Variants in ABL1 observed in about 807,000 individuals in gnomAD.
ABL1 encodes tyrosine-protein kinase ABL1.
In ABL1, 11 loss-of-function variants were observed where a neutral mutation model predicts 94.7. That is an observed-to-expected ratio of 0.12 (90% CI 0.07 to 0.19). The LOEUF (loss-of-function observed/expected upper bound fraction) is 0.19, where lower values mean the gene tolerates loss of function less well. Ranked by LOEUF, ABL1 falls within the 10% of genes least tolerant of loss-of-function variation. The probability of loss-of-function intolerance (pLI) is 1.00; values close to 1 mark genes in which losing one functional copy is unlikely to be tolerated. For missense variants in ABL1, 1,082 were observed against 1,489.4 expected (o/e 0.73, Z 4.50); for synonymous variants, 656 against 622.4 (o/e 1.05, Z -0.80).
chr9:130,790,957 T>C (rs1248825426), intron 1 of ABL1, among the ~76,000 whole-genome samples: 1 of 152,198 alleles, frequency 6.6e-6, no homozygotes, highest in Non-Finnish European at 1.5e-5. Context: ...TGGAGTCTTT[T>C]AAATTATAGA....
intron 1 of ABL1, among the ~76,000 whole-genome samples, chr9:130,784,630 T>C (rs1378449611): frequency 6.6e-6 from 1 of 152,212 alleles, no homozygotes; most frequent in African/African-American, 2.4e-5. Context: ...TCATCTAGTC[T>C]GGTCTGGTCT....
At chr9:130,791,013 T>G (rs2132807113) in intron 1 of ABL1, among the ~76,000 whole-genome samples, 1 of 152,242 alleles carries the variant, frequency 6.6e-6, no homozygotes, top group East Asian at 1.9e-4. Context: ...AGGGTGGTAA[T>G]GAGAGACAAA....
chr9:130,806,782 T>A (rs965292281), intron 1 of ABL1, among the ~76,000 whole-genome samples: 7 of 152,254 alleles, frequency 4.6e-5, no homozygotes, highest in African/African-American at 1.4e-4. Context: ...TACACACCTT[T>A]ATTTTTTTAA....
At chr9:130,796,439 A>C (rs1453040936) in intron 1 of ABL1, among the ~76,000 whole-genome samples, 1 of 151,854 alleles carries the variant, frequency 6.6e-6, no homozygotes, top group Non-Finnish European at 1.5e-5. Context: ...TAAATCTGAG[A>C]GGTGGAGGTT....
rs895950886 is a variant in ABL1, at chr9:130,724,171, A to G, written c.136+9716A>G. Reference sequence around the variant, plus strand: ...GTCGCCCAGGCTGGAGTACAATGATATGATCACTGTTCACTGCAGCCTCGA... The same window carrying G: ...GTCGCCCAGGCTGGAGTACAATGATGTGATCACTGTTCACTGCAGCCTCGA... On this transcript the variant is annotated intron_variant, in intron 1 of 10. Transcript: ENST00000372348. 9.9e-5 allele frequency among the ~76,000 whole-genome samples: 15 copies of G among 152,194 alleles called. 1 individual carries two copies. The highest frequency in any genetic ancestry group is 3.6e-4 in the African/African-American group (15 of 41,450).
chr9:130,714,596 G>C, intron 1 of ABL1: 1 of 1,143,790 alleles, frequency 8.7e-7, no homozygotes. Context: ...TCTCTTAGTG[G>C]AACTTTCTTT....
chr9:130,791,061 G>A (rs909973420), intron 1 of ABL1, among the ~76,000 whole-genome samples: 3 of 152,126 alleles, frequency 2.0e-5, no homozygotes, highest in South Asian at 2.1e-4. Context: ...ATTCCAAAGC[G>A]GCAAAGAAGG....
At chr9:130,811,999 G>A (rs1328106008) in intron 1 of ABL1, among the ~76,000 whole-genome samples, 1 of 139,332 alleles carries the variant, frequency 7.2e-6, no homozygotes, top group Non-Finnish European at 1.6e-5. Context: ...AACAGGAAAA[G>A]CAAACAGAGC....
intron 1 of ABL1, among the ~76,000 whole-genome samples, chr9:130,748,027 G>A (rs1291488716): frequency 6.6e-6 from 1 of 152,120 alleles, no homozygotes; most frequent in East Asian, 1.9e-4. Flanking sequence ...ACCCTTGAAC[G>A]CCAGAATTCC....
chr9:130,813,819 T>C (rs913283741), intron 1 of ABL1, among the ~76,000 whole-genome samples: 3 of 152,230 alleles, frequency 2.0e-5, no homozygotes, highest in Admixed American at 1.3e-4. Context: ...CCCTGACTTA[T>C]GACGTCTCAA....
At chr9:130,799,077 CA>C (rs1554765054) in intron 1 of ABL1, among the ~76,000 whole-genome samples, 1 of 151,762 alleles carries the variant, frequency 6.6e-6, no homozygotes, top group Non-Finnish European at 1.5e-5. Flanking sequence ...TTCAGAAGAG[CA>C]CTTTGCTTTA....
intron 1 of ABL1, among the ~76,000 whole-genome samples, chr9:130,794,146 T>C (rs34149255): frequency 0.25 from 37,452 of 152,008 alleles, 6,147 homozygotes; most frequent in African/African-American, 0.48. Context: ...AGTGGCCCCA[T>C]CCCCAGTCTG....
chr9:130,750,189 ATACATAT>A (rs1564278542), intron 1 of ABL1, among the ~76,000 whole-genome samples: 1 of 69,814 alleles, frequency 1.4e-5, no homozygotes, highest in African/African-American at 9.1e-5. Context: ...GAAAAAAAAA[ATACATAT>A]ATATATATAT....
chr9:130,854,390 C>G (rs549881392), intron 2 of ABL1, among the ~76,000 whole-genome samples, 153 bp downstream of exon 2: 1 of 152,096 alleles, frequency 6.6e-6, no homozygotes, highest in African/African-American at 2.4e-5. Flanking sequence ...CTAAGGGAGT[C>G]GACTCTCCTT....
exon 1 of ABL1, chr9:130,713,902 A>G (rs1320222648): frequency 4.3e-6 from 1 of 232,652 alleles, no homozygotes; most frequent in Non-Finnish European, 8.5e-6. Context: ...TCCACAGGAA[A>G]AGTTCTGGAG....
intron 1 of ABL1, among the ~76,000 whole-genome samples, chr9:130,715,510 C>G (rs1337698507): frequency 6.6e-6 from 1 of 152,198 alleles, no homozygotes; most frequent in Non-Finnish European, 1.5e-5. Flanking sequence ...TTCACTTCAT[C>G]TAAATAAATC....
chr9:130,863,143 T>G lies in ABL1; in HGVS notation c.822+108T>G. 1 of 1,296,798 alleles carries G rather than the reference T, an allele frequency of 7.7e-7. No homozygotes were observed. 80.3% of individuals were successfully genotyped at this position (1,296,798 alleles called of 1,614,324 possible). A position where few individuals can be genotyped will look rare whatever the true frequency, so the allele number is the denominator to read the frequency against. ...TACCTCCTGCCTGCTGTCCGAGGGC[T>G]TCATTGGCGCCACGGAATTGACTTT... On this transcript the variant is annotated intron_variant, in intron 4 of 10. Transcript: ENST00000318560. The surrounding 1 kb of genome is among the most constrained non-coding windows in gnomAD (Gnocchi z 4.3).
At chr9:130,745,340 T>C (rs1170269310) in intron 1 of ABL1, among the ~76,000 whole-genome samples, 1 of 152,012 alleles carries the variant, frequency 6.6e-6, no homozygotes, top group African/African-American at 2.4e-5. Context: ...TGCCTTAGCC[T>C]CCCAAAGTGC....
At chr9:130,883,159 A>T (rs1286574776) in intron 10 of ABL1, among the ~76,000 whole-genome samples, 2 of 152,072 alleles carry the variant, frequency 1.3e-5, no homozygotes, top group African/African-American at 4.8e-5. Flanking sequence ...AGCACGTGTC[A>T]CGCTTCTCTC....
Sources: gnomAD v4.1 joint callset for allele counts (sites outside exome capture counted in the v4.1 genomes callset) on GRCh38, gnomAD v4.1.1 for gene constraint, Gnocchi (gnomAD v3.1) non-coding constraint, MANE v1.5 for transcripts, NCBI Gene and HGNC (gene_info 2026-07-23, HGNC 2026-07-21) for gene names.